The following PPARGC1B variants were observed in gnomAD, a reference collection of about 807,000 sequenced individuals.
The protein encoded by PPARGC1B is peroxisome proliferator-activated receptor gamma coactivator 1-beta.
In PPARGC1B, 34 loss-of-function variants were observed where a neutral mutation model predicts 101.6. The observed-to-expected ratio is 0.33, with a 90% CI of 0.25 to 0.45. PPARGC1B has a LOEUF of 0.45. PPARGC1B is among the 20% of genes least tolerant of loss of function. PPARGC1B has a pLI of 1.00. For missense variants in PPARGC1B, 1,234 were observed against 1,317.6 expected, an observed-to-expected ratio of 0.94 and a Z score of 0.98; for synonymous variants, 548 against 539.3, an observed-to-expected ratio of 1.02 and a Z score of -0.22.
intron 7 of PPARGC1B, 82 bp from the exon 8 acceptor site, chr5:149,836,181 G>T: frequency 5.7e-6 from 7 of 1,224,916 alleles, no homozygotes; most frequent in Non-Finnish European, 8.0e-6. Context: ...GAGCTACCAG[G>T]CTTGGCCCCA....
intron 1 of PPARGC1B, among the ~76,000 whole-genome samples, chr5:149,816,425 A>C (rs2113342456): frequency 6.6e-6 from 1 of 152,364 alleles, no homozygotes; most frequent in South Asian, 2.1e-4. Context: ...AAAGTGAAGG[A>C]GATAGACCAG....
chr5:149,788,740 G>A (rs1192142305), intron 1 of PPARGC1B, among the ~76,000 whole-genome samples: 2 of 152,178 alleles, frequency 1.3e-5, no homozygotes, highest in Non-Finnish European at 2.9e-5. Flanking sequence ...GGAATACTAT[G>A]CAGCCATAAA....
rs533105175 is a variant in PPARGC1B, at chr5:149,765,778, G to A, written c.78+35358G>A. 7.3e-5 allele frequency among the ~76,000 whole-genome samples: 11 copies of A among 150,744 alleles called. No homozygotes were observed. In the East Asian group the frequency reaches 2.2e-3, roughly 30 times the overall value. On this transcript the variant is annotated intron_variant, in intron 1 of 11. Coordinates refer to ENST00000309241, the MANE Select transcript of PPARGC1B (RefSeq NM_133263.4). The stretch of plus-strand genomic sequence containing the variant: ...CGGGAGGCTGAGGCAGGAGAATGGC[G>A]TGAACCCGGGAGGTGGAGCTTGCAG...
chr5:149,783,247 C>T (rs1417320762), intron 1 of PPARGC1B, among the ~76,000 whole-genome samples: 1 of 152,142 alleles, frequency 6.6e-6, no homozygotes, highest in Non-Finnish European at 1.5e-5. Context: ...CTCCATTTGC[C>T]ATTTTGCCCT....
chr5:149,798,210 C>T (rs564257721), intron 1 of PPARGC1B, among the ~76,000 whole-genome samples: 18 of 152,240 alleles, frequency 1.2e-4, no homozygotes, highest in African/African-American at 3.4e-4. Context: ...CCACCATTGC[C>T]TCCAAAGTAG....
chr5:149,776,314 C>T (rs184949696), intron 1 of PPARGC1B, among the ~76,000 whole-genome samples: 6 of 152,182 alleles, frequency 3.9e-5, no homozygotes, highest in Non-Finnish European at 5.9e-5. Context: ...TTCCTATCTG[C>T]ACTACAAAAA....
rs534431199 is a variant in PPARGC1B at position 149,734,050 on chromosome 5, G to A, written c.78+3630G>A. ...TTTAAAAAATGGAGTCGCCGGGCAC[G>A]GTGGCTCACCCCTGTAATCCTAGCA... On this transcript the variant is annotated intron_variant, in intron 1 of 11. Coordinates refer to ENST00000309241, the MANE Select transcript of PPARGC1B (RefSeq NM_133263.4). Among the ~76,000 whole-genome samples the A allele has an allele frequency of 9.8e-4, 149 of 152,092 alleles. 1 individual carries two copies. The highest frequency in any genetic ancestry group is 3.4e-3 in the Middle Eastern group (1 of 292).
At position 149,833,281 on chromosome 5, in the gene PPARGC1B, C is replaced by T. The variant is rs1442242056; in HGVS notation, c.1208C>T (p.Thr403Ile). 2.2e-5 allele frequency: 35 copies of T among 1,613,422 alleles called. No individual in the cohort carries two copies. Among genetic ancestry groups the T allele is most frequent in the Non-Finnish European group, 2.6e-5 (31 of 1,180,040 alleles). ...EVRIAASPKSTGPRPSLRPLR... is the reference protein window; with the variant it reads ...EVRIAASPKSIGPRPSLRPLR... ...AGGATCGCAGCTTCACCCAAGAGCA[C>T]CGGGCCCAGACCAAGCCTGCGCCCA... is the stretch of plus-strand genomic sequence containing the variant. The change falls in exon 5 of 12, where the codon ACC becomes ATC. Residue 403 changes from threonine (T) to isoleucine (I), a missense_variant. Physicochemically the swap from Thr to Ile is moderately conservative, Grantham distance 89. Coordinates refer to ENST00000309241, the MANE Select transcript of PPARGC1B (RefSeq NM_133263.4). This position sits in a 1 kb window ranked among gnomAD's most constrained non-coding sequence, Gnocchi z 4.1.
Position 149,838,002 on chromosome 5 carries a change from G to A in PPARGC1B, c.2618+929G>A, listed in dbSNP as rs572396852. Reference sequence around the variant, plus strand: ...GGCAGGGGCAGGGGCAGGGATTGGCGTTTCCAACAAGTCCCCAGGTGATGA... The same window carrying A: ...GGCAGGGGCAGGGGCAGGGATTGGCATTTCCAACAAGTCCCCAGGTGATGA... On this transcript the variant is annotated intron_variant, in intron 8 of 11. Transcript: ENST00000309241. Among the ~76,000 whole-genome samples, 336 of 152,224 alleles carry A rather than the reference G, an allele frequency of 2.2e-3. 2 individuals carry two copies. Among genetic ancestry groups the A allele is most frequent in the African/African-American group, 7.6e-3 (314 of 41,502 alleles).
rs186212498 is a variant in PPARGC1B at position 149,852,694 on chromosome 5, A to G, written c.*5136A>G. 6.7e-6 allele frequency: 1 copy of G among 150,200 alleles called. No individual in the cohort carries two copies. Among genetic ancestry groups the G allele is most frequent in the East Asian group, 1.9e-4 (1 of 5,152 alleles). The allele number at this position is 150,200 out of a possible 1,614,324, so 9.3% of individuals were successfully genotyped here. On this transcript the variant is annotated 3_prime_UTR_variant, in exon 12 of 12. Coordinates refer to ENST00000309241, the MANE Select transcript of PPARGC1B (RefSeq NM_133263.4). ...GCTGTTTCTCTCTTGTTCTCAGACA[A>G]TACTAGCAATACACTTTTTTTTTTT...
intron 1 of PPARGC1B, among the ~76,000 whole-genome samples, chr5:149,777,551 G>A (rs774571508): frequency 1.1e-4 from 16 of 152,096 alleles, no homozygotes; most frequent in Non-Finnish European, 1.9e-4. Context: ...ACCCTCCCAC[G>A]CAGGCAGGGA....
intron 1 of PPARGC1B, among the ~76,000 whole-genome samples, chr5:149,798,894 A>G (rs1757327299): frequency 6.6e-6 from 1 of 152,150 alleles, no homozygotes; most frequent in Non-Finnish European, 1.5e-5. Flanking sequence ...AGCAAAGGGC[A>G]GTGATTCTTA....
intron 1 of PPARGC1B, among the ~76,000 whole-genome samples, chr5:149,813,822 G>A (rs546539160): frequency 2.6e-5 from 4 of 152,184 alleles, no homozygotes; most frequent in Non-Finnish European, 5.9e-5. Flanking sequence ...TCGAGGCACC[G>A]GCAGATTTTG....
At chr5:149,740,857 C>T (rs989804122) in intron 1 of PPARGC1B, among the ~76,000 whole-genome samples, 3 of 152,204 alleles carry the variant, frequency 2.0e-5, no homozygotes, top group African/African-American at 7.2e-5. Context: ...ATGATGACAA[C>T]GACAATGATG....
chr5:149,811,497 C>G (rs1472674172), intron 1 of PPARGC1B, among the ~76,000 whole-genome samples: 1 of 152,124 alleles, frequency 6.6e-6, no homozygotes, highest in East Asian at 1.9e-4. Context: ...ATTACACTAT[C>G]GAGTGGGTTT....
chr5:149,731,344 C>T (rs948714892), intron 1 of PPARGC1B, among the ~76,000 whole-genome samples: 2 of 152,236 alleles, frequency 1.3e-5, no homozygotes, highest in Non-Finnish European at 2.9e-5. Context: ...GGCCCCCACC[C>T]CTTCCCCCAT....
chr5:149,789,149 C>G (rs6884913), intron 1 of PPARGC1B, among the ~76,000 whole-genome samples: 1 of 152,154 alleles, frequency 6.6e-6, no homozygotes, highest in African/African-American at 2.4e-5. Flanking sequence ...GGCCTGTGAT[C>G]GCCTAGTAAT....
intron 1 of PPARGC1B, among the ~76,000 whole-genome samples, chr5:149,793,832 A>G (rs1370067907): frequency 6.6e-6 from 1 of 152,230 alleles, no homozygotes; most frequent in Non-Finnish European, 1.5e-5. Flanking sequence ...CCTGGCAGAG[A>G]CAAGCAGCTC....
chr5:149,740,648 G>A (rs1192096724), intron 1 of PPARGC1B, among the ~76,000 whole-genome samples: 2 of 152,200 alleles, frequency 1.3e-5, no homozygotes, highest in Non-Finnish European at 2.9e-5. Flanking sequence ...GTTTAAATCA[G>A]TGCTCTACCA....
Sources: allele counts gnomAD v4.1 joint callset (sites outside exome capture counted in the v4.1 genomes callset), GRCh38; gene constraint gnomAD v4.1.1; non-coding constraint Gnocchi (gnomAD v3.1); transcripts MANE v1.5; gene names NCBI Gene and HGNC (gene_info 2026-07-23, HGNC 2026-07-21).